SCGB2B2: variants seen among roughly 807,000 people sequenced by gnomAD.
SCGB2B2 encodes the protein secretoglobin family 2B member 2, also known as secretoglobin-like protein.
In SCGB2B2, 11 loss-of-function variants were observed where a neutral mutation model predicts 7.6. The ratio of observed to expected loss-of-function variants is 1.45; its 90% confidence interval spans 0.91 to 2.40. The LOEUF (loss-of-function observed/expected upper bound fraction) is 2.40. SCGB2B2 is among the 30% of genes most tolerant of loss of function. SCGB2B2 has a pLI of 0.00. For synonymous variants in SCGB2B2, 50 were observed against 48.6 expected (o/e 1.03, Z -0.12); for missense variants, 104 against 115.4 (o/e 0.90, Z 0.45).
Position 34,594,555 on chromosome 19 carries a change from C to A in SCGB2B2, c.9G>T (p.Val3=). The A allele has an allele frequency of 6.2e-7, 1 of 1,612,778 alleles. No homozygotes were observed. Among genetic ancestry groups the A allele is most frequent in the South Asian group, 1.1e-5 (1 of 91,008 alleles). Residue 3 remains valine, a synonymous_variant, in exon 2 of 4, where the codon GTG becomes GTT. Transcript: ENST00000601241. ...GCAGAAGAGCACAGGTGGCGGATGT[C>A]ACCCTCATGACAGCGGAGTCTGGTC... MR[V]TSATCALLLA...
At chr19:34,651,999 A>T (rs2067172701) in intron 1 of SCGB2B2, among the ~76,000 whole-genome samples, 1 of 151,246 alleles carries the variant, frequency 6.6e-6, no homozygotes, top group South Asian at 2.1e-4. Flanking sequence ...AGTGATTTTC[A>T]ACAAAGGCAC....
chr19:34,606,586 T>C (rs1420742173), intron 1 of SCGB2B2, among the ~76,000 whole-genome samples: 1 of 151,722 alleles, frequency 6.6e-6, no homozygotes, highest in Non-Finnish European at 1.5e-5. Context: ...GTACAACAGC[T>C]TCTCCCTTTT....
At chr19:34,638,896 C>A (rs2066764262) in intron 1 of SCGB2B2, among the ~76,000 whole-genome samples, 1 of 152,110 alleles carries the variant, frequency 6.6e-6, no homozygotes, top group African/African-American at 2.4e-5. Context: ...TCTTCCCACC[C>A]AAATTGCAGT....
intron 1 of SCGB2B2, among the ~76,000 whole-genome samples, chr19:34,603,331 T>C (rs1440898932): frequency 5.9e-5 from 9 of 152,236 alleles, no homozygotes; most frequent in Admixed American, 5.2e-4. Context: ...GGCATGTTCA[T>C]GTATCACTGT....
Position 34,592,352 on chromosome 19 carries a change from AAAG to A in SCGB2B2, c.*1200_*1202del. On this transcript the variant is annotated 3_prime_UTR_variant, in exon 4 of 4. Coordinates refer to ENST00000601241, the MANE Select transcript of SCGB2B2 (RefSeq NM_001025591.4). Reference sequence around the variant, plus strand: ...AATGAGCTCTCAAAGATCCAGGGAGAAAGAAGATCCAGGCTGGTATTCCCATGG... The same window carrying A: ...AATGAGCTCTCAAAGATCCAGGGAGAAAGATCCAGGCTGGTATTCCCATGG... Among the ~76,000 whole-genome samples the A allele has an allele frequency of 6.6e-6, 1 of 151,964 alleles. No individual in the cohort carries two copies. The highest frequency in any genetic ancestry group is 2.4e-5 in the African/African-American group (1 of 41,452).
intron 1 of SCGB2B2, among the ~76,000 whole-genome samples, chr19:34,606,150 A>G (rs1443927370): frequency 6.6e-6 from 1 of 152,064 alleles, no homozygotes; most frequent in Non-Finnish European, 1.5e-5. Context: ...AGTTACTAAA[A>G]ATTTGTTTTT....
downstream of SCGB2B2, among the ~76,000 whole-genome samples, chr19:34,588,757 A>T (rs1299080885): frequency 2.0e-5 from 3 of 152,206 alleles, no homozygotes; most frequent in African/African-American, 4.8e-5. Context: ...CACACAGGGC[A>T]TTGGTGACTT....
chr19:34,650,230 A>G (rs893237706), intron 1 of SCGB2B2, among the ~76,000 whole-genome samples: 13 of 151,304 alleles, frequency 8.6e-5, no homozygotes, highest in Admixed American at 6.5e-4. Context: ...CAGGCCTGAC[A>G]TTTACCTTTC....
At chr19:34,616,647 G>GTGA (rs1441648774) in intron 1 of SCGB2B2, among the ~76,000 whole-genome samples, 4 of 123,646 alleles carry the variant, frequency 3.2e-5, no homozygotes, top group Non-Finnish European at 1.7e-5. Flanking sequence ...CCTGTTCACT[G>GTGA]TGATGGTAGT....
At chr19:34,601,237 A>G (rs2065615151) in intron 1 of SCGB2B2, among the ~76,000 whole-genome samples, 1 of 152,154 alleles carries the variant, frequency 6.6e-6, no homozygotes, top group Non-Finnish European at 1.5e-5. Flanking sequence ...ATTTTGTCTC[A>G]CTAGTCTGTT....
downstream of SCGB2B2, among the ~76,000 whole-genome samples, chr19:34,587,878 T>C (rs757312549): frequency 4.6e-5 from 7 of 152,226 alleles, no homozygotes; most frequent in Non-Finnish European, 1.0e-4. Flanking sequence ...TGGGTTGAAT[T>C]CCACTTGGCA....
chr19:34,593,341 G>A lies in SCGB2B2; in HGVS notation c.*214C>T, dbSNP rs558375870. Reference sequence around the variant, plus strand: ...AAACAGGCATGTCTATGCTACACCTGTAGAGTTTTTCCTCAGTCGCATATT... The same window carrying A: ...AAACAGGCATGTCTATGCTACACCTATAGAGTTTTTCCTCAGTCGCATATT... On this transcript the variant is annotated 3_prime_UTR_variant, in exon 4 of 4. Transcript: ENST00000601241. The A allele has an allele frequency of 1.9e-6, 1 of 537,222 alleles. No homozygotes were observed. The highest frequency in any genetic ancestry group is 3.3e-6 in the Non-Finnish European group (1 of 299,500). 33.3% of individuals were successfully genotyped at this position (537,222 alleles called of 1,614,324 possible). A position where few individuals can be genotyped will look rare whatever the true frequency, so the allele number is the denominator to read the frequency against.
In SCGB2B2 at chr19:34,641,759, C is replaced by G. The variant is rs184708481; in HGVS notation, c.-2032+33871G>C. Among the ~76,000 whole-genome samples, 7 of 152,258 alleles carry G rather than the reference C, an allele frequency of 4.6e-5. No homozygotes were observed. In the East Asian group the frequency reaches 1.3e-3, roughly 29 times the overall value. ...AGCTGCAGAAAGTCAAGTTCCAGCA[C>G]TAGAAACAAGGACCAGTTAAGAGAA... is the stretch of plus-strand genomic sequence containing the variant. On this transcript the variant is annotated intron_variant, in intron 1 of 3. Transcript: ENST00000601241.
intron 1 of SCGB2B2, among the ~76,000 whole-genome samples, chr19:34,653,858 T>C (rs868538243): frequency 3.3e-5 from 5 of 150,930 alleles, no homozygotes; most frequent in Admixed American, 1.3e-4. Context: ...ACTGCTAACA[T>C]CATAATCAAT....
Position 34,595,790 on chromosome 19 carries a change from A to AC in SCGB2B2, c.-1228dup, listed in dbSNP as rs1222403700. ...GACAGGACCCTAAATTGTAAGTGTG[A>AC]CCCCAGGGGCAGAATCAGCAGGTGG... On this transcript the variant is annotated 5_prime_UTR_variant, in exon 2 of 4. Transcript: ENST00000601241. 6.6e-6 allele frequency: 1 copy of AC among 152,212 alleles called. No homozygotes were observed. Among genetic ancestry groups the AC allele is most frequent in the East Asian group, 1.9e-4 (1 of 5,182 alleles). 9.4% of individuals were successfully genotyped at this position (152,212 alleles called of 1,614,324 possible).
chr19:34,622,615 C>CTA (rs1225169339), intron 1 of SCGB2B2, among the ~76,000 whole-genome samples: 1 of 152,142 alleles, frequency 6.6e-6, no homozygotes, highest in Non-Finnish European at 1.5e-5. Context: ...TTTTGAAACC[C>CTA]TATATCCCCT....
intron 1 of SCGB2B2, chr19:34,637,563 A>G (rs1460950297): frequency 1.0e-5 from 2 of 193,562 alleles, no homozygotes; most frequent in Non-Finnish European, 2.4e-5. Context: ...TCAATTCTTA[A>G]AAGTGCTACA....
intron 1 of SCGB2B2, among the ~76,000 whole-genome samples, chr19:34,596,810 C>T (rs966700142): frequency 2.0e-5 from 3 of 151,956 alleles, no homozygotes; most frequent in African/African-American, 7.3e-5. Flanking sequence ...CGCAGTGGGG[C>T]TGAGCAGCAG....
intron 1 of SCGB2B2, among the ~76,000 whole-genome samples, chr19:34,610,137 CT>C (rs1472363613): frequency 6.6e-6 from 1 of 151,942 alleles, no homozygotes. Flanking sequence ...AGGAATGCTA[CT>C]GATTTTTGTA....
Sources: gnomAD v4.1 joint callset for allele counts (sites outside exome capture counted in the v4.1 genomes callset) on GRCh38, gnomAD v4.1.1 for gene constraint, MANE v1.5 for transcripts, NCBI Gene and HGNC (gene_info 2026-07-23, HGNC 2026-07-21) for gene names.